The following INTU variants were observed in gnomAD, a reference collection of about 807,000 sequenced individuals.
INTU encodes protein inturned.
Under a neutral mutation model 100.5 loss-of-function variants are expected in INTU, and 68 were observed. The ratio of observed to expected loss-of-function variants is 0.68; its 90% CI spans 0.56 to 0.83. The LOEUF (loss-of-function observed/expected upper bound fraction) is 0.83, where lower values mean the gene tolerates loss of function less well. INTU is among the 40% of genes least tolerant of loss of function. The pLI, the probability that INTU is intolerant of heterozygous loss-of-function variation, is 0.00. For synonymous variants in INTU, 357 were observed against 395.7 expected (o/e 0.90, Z 1.16); for missense variants, 1,071 against 1,114.7 (o/e 0.96, Z 0.56).
chr4:127,656,182 T>A (rs111537947), intron 2 of INTU, among the ~76,000 whole-genome samples: 10 of 152,172 alleles, frequency 6.6e-5, no homozygotes, highest in Admixed American at 6.5e-4. Flanking sequence ...TCACCTGTCT[T>A]CTGCGTCGCT....
At chr4:127,685,078 G>A (rs546405022) in intron 7 of INTU, among the ~76,000 whole-genome samples, 2 of 151,882 alleles carry the variant, frequency 1.3e-5, no homozygotes, top group East Asian at 3.9e-4. Context: ...CAGTAGAGAC[G>A]GTATTGACTG....
rs756372772 is a variant in INTU at position 127,706,574 on chromosome 4, G to A, written c.1876G>A (p.Asp626Asn). ...GSPGPDCVYV[D>N]QVKTTLHQLD... ...TCCTGGACCAGACTGTGTATATGTG[G>A]ATCAAGTCAAAACAACTCTTCACCA... Residue 626 changes from aspartate (D) to asparagine (N), a missense_variant, in exon 12 of 16, where the codon GAT becomes AAT. Asp to Asn is a conservative substitution (Grantham distance 23, BLOSUM62 1). Transcript: ENST00000335251. 34 of 1,613,892 alleles carry A rather than the reference G, an allele frequency of 2.1e-5. No individual in the cohort carries two copies. Among genetic ancestry groups the A allele is most frequent in the Non-Finnish European group, 2.8e-5 (33 of 1,179,960 alleles).
In INTU at chr4:127,705,704, C is replaced by T; in HGVS notation, c.1680C>T (p.Ile560=). The change falls in exon 11 of 16, where the codon ATC becomes ATT. Residue 560 remains isoleucine, a synonymous_variant. Coordinates refer to ENST00000335251, the MANE Select transcript of INTU (RefSeq NM_015693.4). ...LAAKQRIGQL[I]IWREVFPQHH... Reference sequence around the variant, plus strand: ...CAAAACAAAGAATTGGTCAGTTGATCATATGGAGAGAAGTGTTTCCTCAGC... The same window carrying T: ...CAAAACAAAGAATTGGTCAGTTGATTATATGGAGAGAAGTGTTTCCTCAGC... 6.2e-7 allele frequency: 1 copy of T among 1,614,018 alleles called. No individual in the cohort carries two copies. Among genetic ancestry groups the T allele is most frequent in the Non-Finnish European group, 8.5e-7 (1 of 1,179,928 alleles).
intron 1 of INTU, among the ~76,000 whole-genome samples, chr4:127,634,002 C>G (rs1726958176): frequency 6.6e-6 from 1 of 152,114 alleles, no homozygotes; most frequent in Admixed American, 6.5e-5. Context: ...TAATGGACAA[C>G]CATACCTGGT....
chr4:127,692,212 C>T (rs756560713), intron 8 of INTU, among the ~76,000 whole-genome samples: 2 of 151,886 alleles, frequency 1.3e-5, no homozygotes, highest in African/African-American at 2.4e-5. Flanking sequence ...TACATTCCCA[C>T]CAACAGTATA....
rs2148741559 is a variant in INTU, at chr4:127,716,509, CAAAG to C, written c.*75_*78del. On this transcript the variant is annotated 3_prime_UTR_variant, in exon 16 of 16. Transcript: ENST00000335251. ...TGTCAGAATTGCTGAAATCAATACA[CAAAG>C]AGATAAAGTTTAGCTTCTTTTTACT... is the stretch of plus-strand genomic sequence containing the variant. The C allele has an allele frequency of 6.8e-6, 4 of 588,592 alleles. No individual in the cohort carries two copies. The highest frequency in any genetic ancestry group is 3.5e-5 in the South Asian group (1 of 28,350). 36.5% of individuals were successfully genotyped at this position (588,592 alleles called of 1,614,324 possible). A position where few individuals can be genotyped will look rare whatever the true frequency, so the allele number is the denominator to read the frequency against.
chr4:127,656,711 G>A lies in INTU; in HGVS notation c.758G>A (p.Gly253Glu). The part of the protein sequence containing the change: ...NIERVLSCIP[G>E]PMQVKLTFEN... ...GAGAGAGTTCTGTCTTGCATTCCTG[G>A]ACCTATGCAGGTATGGACATTCTTT... The change falls in exon 3 of 16, where the codon GGA (glycine) becomes GAA (glutamate). Residue 253 changes from glycine (G) to glutamate (E), a missense_variant. By Grantham distance (98) the Gly-to-Glu change is moderately conservative (BLOSUM62 -2). Coordinates refer to ENST00000335251, the MANE Select transcript of INTU (RefSeq NM_015693.4). The A allele has an allele frequency of 3.8e-6, 6 of 1,595,996 alleles. No individual in the cohort carries two copies. Among genetic ancestry groups the A allele is most frequent in the Non-Finnish European group, 5.2e-6 (6 of 1,164,650 alleles).
At chr4:127,654,523 T>C (rs1335501242) in intron 2 of INTU, among the ~76,000 whole-genome samples, 1 of 152,236 alleles carries the variant, frequency 6.6e-6, no homozygotes, top group Non-Finnish European at 1.5e-5. Context: ...TTGAAAATTC[T>C]TTTCTTTAAG....
At chr4:127,703,122 A>G (rs1414170544) in intron 9 of INTU, among the ~76,000 whole-genome samples, 2 of 152,180 alleles carry the variant, frequency 1.3e-5, no homozygotes, top group East Asian at 1.9e-4. Flanking sequence ...TTAACTTAGC[A>G]TAAATGGATT....
intron 7 of INTU, chr4:127,686,805 T>A (rs1201633104): frequency 6.6e-6 from 1 of 152,236 alleles, no homozygotes; most frequent in Non-Finnish European, 1.5e-5. Context: ...ATATTTTTAC[T>A]GCCATACCTC....
intron 2 of INTU, among the ~76,000 whole-genome samples, chr4:127,655,244 A>T (rs1289013632): frequency 3.9e-5 from 6 of 152,094 alleles, no homozygotes; most frequent in Non-Finnish European, 2.9e-5. Flanking sequence ...TTCTCCATCC[A>T]GCTTTGTTCC....
chr4:127,633,072 C>G lies in INTU; in HGVS notation c.38C>G (p.Ser13Ter), dbSNP rs1338560629. The stretch of plus-strand genomic sequence containing the variant: ...GCTTCGTGCGATTCGCGTCCGAGCT[C>G]AGACGAGCTCCCTGGAGACCCCTCT... ...SVASCDSRPS[S>*]DELPGDPSSQ... Residue 13 changes from serine (S) to a stop codon, truncating the protein, a stop_gained, in exon 1 of 16, where the codon TCA becomes TGA. Transcript: ENST00000335251. LOFTEE classifies it high-confidence loss of function. 6.2e-7 allele frequency: 1 copy of G among 1,613,796 alleles called. No individual in the cohort carries two copies. Among genetic ancestry groups the G allele is most frequent in the Non-Finnish European group, 8.5e-7 (1 of 1,179,806 alleles).
chr4:127,683,146 AT>A (rs1239067421), intron 6 of INTU, among the ~76,000 whole-genome samples: 2 of 152,138 alleles, frequency 1.3e-5, no homozygotes, highest in Non-Finnish European at 2.9e-5. Context: ...CTCAATCTTT[AT>A]TAAACAGGGT....
intron 11 of INTU, 151 bp downstream of exon 11, chr4:127,705,963 T>G: frequency 1.6e-6 from 1 of 629,356 alleles, no homozygotes; most frequent in Non-Finnish European, 2.8e-6. Flanking sequence ...TATTAGTATG[T>G]CTAATATCAG....
At chr4:127,701,369 CCTT>C (rs1455470719) in intron 9 of INTU, among the ~76,000 whole-genome samples, 1 of 152,104 alleles carries the variant, frequency 6.6e-6, no homozygotes, top group Non-Finnish European at 1.5e-5. Context: ...GTATGTATGT[CCTT>C]TCTTAGATCC....
chr4:127,708,761 T>A, intron 13 of INTU, 93 bp downstream of exon 13: 2 of 626,452 alleles, frequency 3.2e-6, no homozygotes, highest in Non-Finnish European at 2.8e-6. Context: ...TCAACAAATG[T>A]AATTCTGATA....
intron 2 of INTU, among the ~76,000 whole-genome samples, chr4:127,655,555 C>T (rs1323198852): frequency 6.6e-6 from 1 of 151,586 alleles, no homozygotes; most frequent in Non-Finnish European, 1.5e-5. Context: ...GGTCAGGGAC[C>T]CACTTGAGGA....
At chr4:127,673,739 G>A (rs1393098011) in intron 5 of INTU, among the ~76,000 whole-genome samples, 2 of 151,720 alleles carry the variant, frequency 1.3e-5, no homozygotes, top group Non-Finnish European at 2.9e-5. Context: ...CAGGATCACA[G>A]GCATGCACCA....
At chr4:127,638,558 A>G (rs1202965357) in intron 1 of INTU, among the ~76,000 whole-genome samples, 3 of 152,178 alleles carry the variant, frequency 2.0e-5, no homozygotes, top group Non-Finnish European at 4.4e-5. Flanking sequence ...GTGTTGACCT[A>G]GATATTTTTG....
Sources: gnomAD v4.1 joint callset for allele counts (sites outside exome capture counted in the v4.1 genomes callset) on GRCh38, gnomAD v4.1.1 for gene constraint, MANE v1.5 for transcripts, NCBI Gene and HGNC (gene_info 2026-07-23, HGNC 2026-07-21) for gene names.